KTN1: variants seen among roughly 807,000 people sequenced by gnomAD.
The protein encoded by KTN1 is kinectin 1.
KTN1 carries 130 observed loss-of-function variants against 222.5 expected under a neutral mutation model. The observed-to-expected ratio is 0.58, with a 90% CI of 0.51 to 0.68. The LOEUF is 0.68. Among genes scored for constraint, KTN1 ranks in the 30% least tolerant of loss-of-function variants. The pLI, the probability that KTN1 is intolerant of heterozygous loss-of-function variation, is 0.00. For synonymous variants in KTN1, 512 were observed against 496.3 expected (o/e 1.03, Z -0.42); for missense variants, 1,508 against 1,500.4 (o/e 1.01, Z -0.08).
In KTN1 at chr14:55,648,096, C is replaced by A; in HGVS notation, c.2279C>A (p.Thr760Asn). 1 of 1,557,990 alleles carries A rather than the reference C, an allele frequency of 6.4e-7. No individual in the cohort carries two copies. Among genetic ancestry groups the A allele is most frequent in the Non-Finnish European group, 8.7e-7 (1 of 1,147,006 alleles). Reference protein sequence around the residue: ...LLETGLIQVATKEEELNAIRT... With the variant: ...LLETGLIQVANKEEELNAIRT... Reference sequence around the variant, plus strand: ...GAAACTGGACTTATTCAGGTGGCAACTAAAGAAGAGGAGCTGAATGTAAAG... The same window carrying A: ...GAAACTGGACTTATTCAGGTGGCAAATAAAGAAGAGGAGCTGAATGTAAAG... Residue 760 changes from threonine (T) to asparagine (N), a missense_variant, in exon 20 of 44, where the codon ACT becomes AAT. Transcript: ENST00000395314.
At chr14:55,632,986 C>T (rs1311464324) in intron 7 of KTN1, among the ~76,000 whole-genome samples, 3 of 152,120 alleles carry the variant, frequency 2.0e-5, no homozygotes, top group Non-Finnish European at 4.4e-5. Flanking sequence ...GCATGTTTAT[C>T]TTGTATTTCA....
chr14:55,584,288 A>G (rs530436535), intron 1 of KTN1, among the ~76,000 whole-genome samples: 1 of 152,332 alleles, frequency 6.6e-6, no homozygotes, highest in South Asian at 2.1e-4. Flanking sequence ...AAGGGCAGCT[A>G]CATATCAGAC....
intron 9 of KTN1, among the ~76,000 whole-genome samples, chr14:55,635,912 T>C (rs1184152005): frequency 6.6e-6 from 1 of 152,202 alleles, no homozygotes; most frequent in Non-Finnish European, 1.5e-5. Flanking sequence ...ATCCTTTCTT[T>C]TATTTAATAT....
chr14:55,642,201 ATAT>A (rs935356946), intron 18 of KTN1, among the ~76,000 whole-genome samples: 1 of 152,160 alleles, frequency 6.6e-6, no homozygotes, highest in Non-Finnish European at 1.5e-5. Context: ...CATGGAGATT[ATAT>A]TATATTTACA....
chr14:55,605,392 G>T (rs767169904), intron 1 of KTN1, among the ~76,000 whole-genome samples: 7 of 152,004 alleles, frequency 4.6e-5, no homozygotes, highest in Non-Finnish European at 1.0e-4. Flanking sequence ...GGCTTATCAC[G>T]TGTTCTGTTA....
chr14:55,651,300 G>A, intron 24 of KTN1: 1 of 455,990 alleles, frequency 2.2e-6, no homozygotes. Context: ...GAGAGTTCAG[G>A]AAAGTCTTCT....
chr14:55,636,447 A>G lies in KTN1; in HGVS notation c.1462-2A>G. 2 of 1,604,476 alleles carry G rather than the reference A, an allele frequency of 1.2e-6. No individual in the cohort carries two copies. Among genetic ancestry groups the G allele is most frequent in the Non-Finnish European group, 1.7e-6 (2 of 1,173,926 alleles). ...ATCCTTTCTCCCTTTTAAAATACCA[A>G]GGTTCAACTACAAGAAGCTGAGAGA... On this transcript the variant is annotated splice_acceptor_variant, in intron 9 of 43. Transcript: ENST00000395314. LOFTEE classifies it high-confidence loss of function.
In KTN1 at chr14:55,639,956, T is replaced by C. The variant is rs1344946843; in HGVS notation, c.1867T>C (p.Leu623=). The change falls in exon 14 of 44, where the codon TTA becomes CTA. Residue 623 remains leucine (L), a synonymous_variant. Transcript: ENST00000395314. ...DKQIKQTEDS[L]ASERDRLTSK... Reference sequence around the variant, plus strand: ...GCAGATAAAACAGACTGAAGATTCTTTAGCAAGTGAACGTGATCGTTTAAC... The same window carrying C: ...GCAGATAAAACAGACTGAAGATTCTCTAGCAAGTGAACGTGATCGTTTAAC... The C allele has an allele frequency of 2.5e-6, 4 of 1,609,256 alleles. No individual in the cohort carries two copies. The African/African-American group carries it at 5.4e-5, about 22-fold the overall frequency.
intron 24 of KTN1, chr14:55,651,351 G>C (rs1395722764): frequency 2.2e-6 from 1 of 455,976 alleles, no homozygotes; most frequent in Admixed American, 2.3e-5. Flanking sequence ...TGAAGGGCCT[G>C]TGAGAAGAGA....
At chr14:55,611,129 C>T (rs1006823864) in intron 1 of KTN1, among the ~76,000 whole-genome samples, 16 of 152,074 alleles carry the variant, frequency 1.1e-4, no homozygotes, top group African/African-American at 3.6e-4. Flanking sequence ...CTCTGTTGCC[C>T]AGGCTTGGAG....
At chr14:55,642,125 T>A (rs541604824) in intron 18 of KTN1, among the ~76,000 whole-genome samples, 1 of 152,296 alleles carries the variant, frequency 6.6e-6, no homozygotes, top group East Asian at 1.9e-4. Flanking sequence ...TTACTAGCAC[T>A]TAAAAGCAGT....
At chr14:55,591,795 C>T (rs1407623203) in intron 1 of KTN1, among the ~76,000 whole-genome samples, 3 of 151,892 alleles carry the variant, frequency 2.0e-5, no homozygotes, top group Admixed American at 6.6e-5. Flanking sequence ...AGGCTGGTCT[C>T]GGACTCCCGA....
Position 55,652,968 on chromosome 14 carries a change from G to T in KTN1, c.2694+28G>T, listed in dbSNP as rs774051732. On this transcript the variant is annotated intron_variant, in intron 26 of 43. Transcript: ENST00000395314. ...GAGAAATTAAAAACAATAAAAAATA[G>T]CCTTTTTATACTTGACTATCAATTT... The T allele has an allele frequency of 2.5e-6, 4 of 1,578,318 alleles. No individual in the cohort carries two copies. In the South Asian group the frequency reaches 4.5e-5, roughly 18 times the overall value.
chr14:55,585,726 A>G (rs1344512008), intron 1 of KTN1, among the ~76,000 whole-genome samples: 1 of 152,192 alleles, frequency 6.6e-6, no homozygotes. Context: ...TGAGTAGGAG[A>G]GTAATTGCTA....
intron 34 of KTN1, among the ~76,000 whole-genome samples, chr14:55,669,749 A>T (rs1175067729): frequency 1.3e-5 from 2 of 152,012 alleles, no homozygotes; most frequent in African/African-American, 4.8e-5. Context: ...TAATGTGAGA[A>T]TGTTAAATAG....
At chr14:55,647,643 A>G (rs1456192760) in intron 19 of KTN1, among the ~76,000 whole-genome samples, 3 of 145,076 alleles carry the variant, frequency 2.1e-5, no homozygotes, top group Non-Finnish European at 3.0e-5. Flanking sequence ...CAAAAAAAAA[A>G]AAAAAAAAAA....
chr14:55,626,765 G>C (rs1009961753), intron 5 of KTN1, among the ~76,000 whole-genome samples: 1 of 152,122 alleles, frequency 6.6e-6, no homozygotes, highest in African/African-American at 2.4e-5. Flanking sequence ...TCAGATAAGA[G>C]GCTTAGGGTC....
Position 55,612,331 on chromosome 14 carries a change from G to C in KTN1, c.283G>C (p.Asp95His). ...KLSDALAVED[D>H]QVAPVPLNVV... Reference sequence around the variant, plus strand: ...ATCAGATGCTTTGGCAGTAGAAGATGATCAAGTTGCACCTGTTCCATTGAA... The same window carrying C: ...ATCAGATGCTTTGGCAGTAGAAGATCATCAAGTTGCACCTGTTCCATTGAA... The change falls in exon 2 of 44, where the codon GAT becomes CAT. Residue 95 changes from aspartate (D) to histidine (H), a missense_variant. Transcript: ENST00000395314. 6.2e-7 allele frequency: 1 copy of C among 1,614,100 alleles called. No individual in the cohort carries two copies. Among genetic ancestry groups the C allele is most frequent in the Non-Finnish European group, 8.5e-7 (1 of 1,180,008 alleles).
chr14:55,646,967 T>C lies in KTN1; in HGVS notation c.2173-6T>C. On this transcript the variant is annotated splice_polypyrimidine_tract_variant and splice_region_variant and intron_variant, in intron 18 of 43. Transcript: ENST00000395314. ...GTTAAACTTTTTTTGGTGATTTTTATTTTAGCCTAATAAGGATGTTGTGGA... is the reference window on the plus strand; with the variant it reads ...GTTAAACTTTTTTTGGTGATTTTTACTTTAGCCTAATAAGGATGTTGTGGA... 1 of 1,520,438 alleles carries C rather than the reference T, an allele frequency of 6.6e-7. No homozygotes were observed. The highest frequency in any genetic ancestry group is 9.1e-7 in the Non-Finnish European group (1 of 1,099,066). The allele number at this position is 1,520,438 out of a possible 1,614,324, so 94.2% of individuals were successfully genotyped here.
Sources: gnomAD v4.1 joint callset for allele counts (sites outside exome capture counted in the v4.1 genomes callset) on GRCh38, gnomAD v4.1.1 for gene constraint, MANE v1.5 for transcripts, NCBI Gene and HGNC (gene_info 2026-07-23, HGNC 2026-07-21) for gene names.